PRMT8: variants seen among roughly 807,000 people sequenced by gnomAD.
The protein encoded by PRMT8 is protein arginine N-methyltransferase 8.
In PRMT8, 7 loss-of-function variants were observed where a neutral mutation model predicts 47.1. The ratio of observed to expected loss-of-function variants is 0.15; its 90% confidence interval spans 0.08 to 0.28. The LOEUF is 0.28. PRMT8 is among the 10% of genes least tolerant of loss of function. PRMT8 has a pLI of 1.00. For synonymous variants in PRMT8, 188 were observed against 186.5 expected (o/e 1.01, Z -0.07); for missense variants, 237 against 505.4 (o/e 0.47, Z 5.09).
chr12:3,553,956 C>T (rs1030741292), intron 4 of PRMT8, among the ~76,000 whole-genome samples: 1 of 152,196 alleles, frequency 6.6e-6, no homozygotes, highest in Non-Finnish European at 1.5e-5. Context: ...GTAGCTAAAT[C>T]CCGAGTTGCC....
At position 3,569,645 on chromosome 12, in the gene PRMT8, G is replaced by A; in HGVS notation, c.712+81G>A. ...CACTCCAGTGGGCCCGAGATGAGCA[G>A]GCAGTGACATGAACACCATTGCTGT... On this transcript the variant is annotated intron_variant, in intron 6 of 9. Coordinates refer to ENST00000382622, the MANE Select transcript of PRMT8 (RefSeq NM_019854.5). This position sits in a 1 kb window ranked among gnomAD's most constrained non-coding sequence, Gnocchi z 8.2. The A allele has an allele frequency of 8.9e-7, 1 of 1,119,258 alleles. No homozygotes were observed. The highest frequency in any genetic ancestry group is 1.7e-5 in the Admixed American group (1 of 58,738). 69.3% of individuals were successfully genotyped at this position (1,119,258 alleles called of 1,614,324 possible).
At chr12:3,398,164 T>C (rs905601425) in intron 1 of PRMT8, among the ~76,000 whole-genome samples, 5 of 152,124 alleles carry the variant, frequency 3.3e-5, no homozygotes, top group African/African-American at 9.7e-5. Flanking sequence ...AATCACCCGT[T>C]TTCTGCGTCG....
Position 3,572,223 on chromosome 12 carries a change from C to T in PRMT8, c.712+2659C>T, listed in dbSNP as rs1174152437. On this transcript the variant is annotated intron_variant, in intron 6 of 9. Coordinates refer to ENST00000382622, the MANE Select transcript of PRMT8 (RefSeq NM_019854.5). The surrounding 1 kb of genome is among the most constrained non-coding windows in gnomAD (Gnocchi z 5.9). ...ATAAATATCTGGCATATACTAGGCT[C>T]ACAATACATAATTTTAACGAAGGAA... 1.3e-5 allele frequency among the ~76,000 whole-genome samples: 2 copies of T among 152,002 alleles called. No individual in the cohort carries two copies. Among genetic ancestry groups the T allele is most frequent in the Non-Finnish European group, 2.9e-5 (2 of 68,024 alleles).
At chr12:3,549,733 TAG>T (rs1427351532) in intron 2 of PRMT8, among the ~76,000 whole-genome samples, 1 of 152,178 alleles carries the variant, frequency 6.6e-6, no homozygotes, top group African/African-American at 2.4e-5. Flanking sequence ...TCTTTCTGAG[TAG>T]AGTTTTAAGG....
Position 3,564,334 on chromosome 12 carries a change from G to A in PRMT8, c.482-4372G>A, listed in dbSNP as rs3782750. On this transcript the variant is annotated intron_variant, in intron 4 of 9. Coordinates refer to ENST00000382622, the MANE Select transcript of PRMT8 (RefSeq NM_019854.5). This position sits in a 1 kb window ranked among gnomAD's most constrained non-coding sequence, Gnocchi z 4.0. ...AATGATCACTAACTTCAGATCCTACGGGCATCAGCTGACCCTGATGGATGC... is the reference window on the plus strand; with the variant it reads ...AATGATCACTAACTTCAGATCCTACAGGCATCAGCTGACCCTGATGGATGC... Among the ~76,000 whole-genome samples, 394 of 152,226 alleles carry A rather than the reference G, an allele frequency of 2.6e-3. 3 individuals carry two copies. The East Asian group carries it at 0.052, about 20-fold the overall frequency.
At chr12:3,537,647 A>G (rs1866142054) in intron 1 of PRMT8, among the ~76,000 whole-genome samples, 1 of 152,008 alleles carries the variant, frequency 6.6e-6, no homozygotes. Flanking sequence ...ATTTTTGTTA[A>G]TGTCACCACC....
intron 1 of PRMT8, among the ~76,000 whole-genome samples, chr12:3,442,101 A>T (rs892553542): frequency 2.6e-5 from 4 of 152,330 alleles, no homozygotes; most frequent in African/African-American, 7.2e-5. Context: ...TCTTAACATA[A>T]CTAAAAATGA....
intron 1 of PRMT8, among the ~76,000 whole-genome samples, chr12:3,439,530 T>C (rs767058321): frequency 6.6e-6 from 1 of 152,220 alleles, no homozygotes; most frequent in Non-Finnish European, 1.5e-5. Flanking sequence ...CCTCTCCCTT[T>C]CTCAGCTTAC....
In PRMT8 at chr12:3,538,588, C is replaced by T; in HGVS notation, c.76-2018C>T. 1 of 518,710 alleles carries T rather than the reference C, an allele frequency of 1.9e-6. No individual in the cohort carries two copies. Among genetic ancestry groups the T allele is most frequent in the Non-Finnish European group, 3.9e-6 (1 of 259,706 alleles). 32.1% of individuals were successfully genotyped at this position (518,710 alleles called of 1,614,324 possible). A position where few individuals can be genotyped will look rare whatever the true frequency, so the allele number is the denominator to read the frequency against. On this transcript the variant is annotated intron_variant, in intron 1 of 9. Coordinates refer to ENST00000382622, the MANE Select transcript of PRMT8 (RefSeq NM_019854.5). This position sits in a 1 kb window ranked among gnomAD's most constrained non-coding sequence, Gnocchi z 4.6. ...GACAGCTAAGGGGTGCTGGAGGCCC[C>T]TGTGACCTTGACCATGCACAATGCC...
intron 7 of PRMT8, among the ~76,000 whole-genome samples, chr12:3,577,424 G>A (rs1231035931): frequency 6.6e-6 from 1 of 152,040 alleles, no homozygotes; most frequent in East Asian, 1.9e-4. Context: ...TGCCCCAGCG[G>A]CCTGCCAGAT....
intron 1 of PRMT8, among the ~76,000 whole-genome samples, chr12:3,531,752 C>A (rs1230764272): frequency 6.6e-6 from 1 of 152,232 alleles, no homozygotes. Context: ...GGTCACGAAG[C>A]CTGAAGGTGG....
At chr12:3,509,307 C>T (rs960497048) in intron 1 of PRMT8, among the ~76,000 whole-genome samples, 1 of 152,196 alleles carries the variant, frequency 6.6e-6, no homozygotes, top group Non-Finnish European at 1.5e-5. Context: ...CTCCCTTCCT[C>T]GACTCGTTGC....
Position 3,550,366 on chromosome 12 carries a change from T to G in PRMT8, c.417+275T>G, listed in dbSNP as rs1866394483. 2.6e-6 allele frequency: 1 copy of G among 382,798 alleles called. No homozygotes were observed. The allele number at this position is 382,798 out of a possible 1,614,324, so 23.7% of individuals were successfully genotyped here. A position where few individuals can be genotyped will look rare whatever the true frequency, so the allele number is the denominator to read the frequency against. The stretch of plus-strand genomic sequence containing the variant: ...CAATGTCATCATGACCTTTCAGTGC[T>G]TAGCCCCAAGGTCAGCTTCAGAGGC... On this transcript the variant is annotated intron_variant, in intron 3 of 9. Coordinates refer to ENST00000382622, the MANE Select transcript of PRMT8 (RefSeq NM_019854.5). The surrounding 1 kb of genome is among the most constrained non-coding windows in gnomAD (Gnocchi z 5.1).
chr12:3,524,315 G>A (rs1453211068), intron 1 of PRMT8, among the ~76,000 whole-genome samples: 1 of 152,180 alleles, frequency 6.6e-6, no homozygotes, highest in African/African-American at 2.4e-5. Flanking sequence ...AACGCATACA[G>A]TGGTCCATTT....
At chr12:3,469,837 G>A (rs1262719360) in intron 1 of PRMT8, among the ~76,000 whole-genome samples, 1 of 152,132 alleles carries the variant, frequency 6.6e-6, no homozygotes, top group Non-Finnish European at 1.5e-5. Flanking sequence ...AAGCAGAGCC[G>A]CCTAGAGCAG....
chr12:3,498,239 G>A lies in PRMT8; in HGVS notation c.75+6539G>A, dbSNP rs533921868. Among the ~76,000 whole-genome samples the A allele has an allele frequency of 3.3e-5, 5 of 152,342 alleles. No individual in the cohort carries two copies. In the South Asian group the frequency reaches 8.3e-4, roughly 25 times the overall value. On this transcript the variant is annotated intron_variant, in intron 1 of 9. Transcript: ENST00000382622. ...GTTATTTGCTCAAAATCCCACAGCT[G>A]GTAAGTGATGAGGCTAGAGCTCAAA...
At chr12:3,519,456 G>C (rs1023540204) in intron 1 of PRMT8, among the ~76,000 whole-genome samples, 2 of 152,148 alleles carry the variant, frequency 1.3e-5, no homozygotes, top group Non-Finnish European at 2.9e-5. Context: ...CACTGAGGCG[G>C]GACAGGGCCC....
chr12:3,506,828 C>G (rs972077645), intron 1 of PRMT8, among the ~76,000 whole-genome samples: 1 of 152,128 alleles, frequency 6.6e-6, no homozygotes, highest in African/African-American at 2.4e-5. Context: ...TGATTGGTGA[C>G]TTTCCCCTGT....
intron 1 of PRMT8, among the ~76,000 whole-genome samples, chr12:3,402,507 A>G (rs1727306318): frequency 6.6e-6 from 1 of 152,224 alleles, no homozygotes; most frequent in Admixed American, 6.5e-5. Flanking sequence ...TGCACAGCAA[A>G]AGAAACTATC....
Sources: allele counts gnomAD v4.1 joint callset (sites outside exome capture counted in the v4.1 genomes callset), GRCh38; gene constraint gnomAD v4.1.1; non-coding constraint Gnocchi (gnomAD v3.1); transcripts MANE v1.5; gene names NCBI Gene and HGNC (gene_info 2026-07-23, HGNC 2026-07-21).